The following GCSAML variants were observed in gnomAD, a reference collection of about 807,000 sequenced individuals.
The protein encoded by GCSAML is germinal center-associated signaling and motility-like protein.
In GCSAML, 9 loss-of-function variants were observed where a neutral mutation model predicts 13.0. That is an observed-to-expected ratio of 0.69 (90% CI 0.42 to 1.21). The LOEUF (loss-of-function observed/expected upper bound fraction) is 1.21, where lower values mean the gene tolerates loss of function less well. Among genes scored for constraint, GCSAML ranks in the 50% most tolerant of loss-of-function variants. The pLI, the probability that GCSAML is intolerant of heterozygous loss-of-function variation, is 0.00. For synonymous variants in GCSAML, 37 were observed against 52.9 expected (o/e 0.70, Z 1.31); for missense variants, 143 against 153.4 (o/e 0.93, Z 0.36).
At chr1:247,543,957 A>C (rs1292640723) in intron 2 of GCSAML, among the ~76,000 whole-genome samples, 1 of 152,142 alleles carries the variant, frequency 6.6e-6, no homozygotes, top group Non-Finnish European at 1.5e-5. Flanking sequence ...CCCTGGTTTA[A>C]CTTCTAATTT....
intron 1 of GCSAML, among the ~76,000 whole-genome samples, chr1:247,511,924 C>A (rs763298099): frequency 9.2e-5 from 14 of 152,198 alleles, no homozygotes; most frequent in Non-Finnish European, 1.3e-4. Flanking sequence ...ACCTTTCTCT[C>A]TGACTGCCCT....
intron 4 of GCSAML, among the ~76,000 whole-genome samples, chr1:247,573,100 G>C (rs1178453278): frequency 6.6e-6 from 1 of 152,214 alleles, no homozygotes; most frequent in Non-Finnish European, 1.5e-5. Flanking sequence ...ATCTTAGCTT[G>C]CTGGGCTCCA....
intron 1 of GCSAML, among the ~76,000 whole-genome samples, chr1:247,512,083 TA>T (rs923468167): frequency 4.2e-4 from 64 of 152,168 alleles, no homozygotes; most frequent in African/African-American, 1.5e-3. Flanking sequence ...TTCTCCTGGA[TA>T]ATATTCTGAA....
chr1:247,535,054 G>GT (rs1667161649), intron 2 of GCSAML, among the ~76,000 whole-genome samples: 1 of 152,104 alleles, frequency 6.6e-6, no homozygotes. Flanking sequence ...GCTCATGCCT[G>GT]TATTCCTAGC....
chr1:247,546,095 C>T (rs1426018870), upstream of GCSAML, among the ~76,000 whole-genome samples: 2 of 152,006 alleles, frequency 1.3e-5, no homozygotes, highest in African/African-American at 2.4e-5. Flanking sequence ...ATTATATTCA[C>T]GTTCTTTTAT....
intron 1 of GCSAML, among the ~76,000 whole-genome samples, chr1:247,523,946 A>G (rs1159744811): frequency 6.6e-6 from 1 of 151,750 alleles, no homozygotes; most frequent in Non-Finnish European, 1.5e-5. Context: ...AGCTAGCGAA[A>G]TAAATTGTTT....
intron 2 of GCSAML, among the ~76,000 whole-genome samples, chr1:247,561,509 A>G (rs1013994626): frequency 2.6e-5 from 4 of 152,140 alleles, no homozygotes; most frequent in African/African-American, 4.8e-5. Flanking sequence ...CTAGCTAACT[A>G]TATTTTTGTA....
chr1:247,562,991 C>G (rs1438796438), intron 2 of GCSAML, among the ~76,000 whole-genome samples: 2 of 149,648 alleles, frequency 1.3e-5, no homozygotes, highest in Non-Finnish European at 3.0e-5. Flanking sequence ...AAGTGCATGC[C>G]ACCGTACCCA....
At chr1:247,533,986 TA>T (rs1667114088) in intron 2 of GCSAML, 1 of 151,880 alleles carries the variant, frequency 6.6e-6, no homozygotes, top group Admixed American at 6.5e-5. Flanking sequence ...TTGCTATACT[TA>T]CAGTGCTTTC....
chr1:247,540,682 G>A (rs999070871), intron 2 of GCSAML, among the ~76,000 whole-genome samples: 1 of 152,182 alleles, frequency 6.6e-6, no homozygotes, highest in Non-Finnish European at 1.5e-5. Flanking sequence ...GACCACTGTG[G>A]GGATGCAAGA....
intron 1 of GCSAML, among the ~76,000 whole-genome samples, chr1:247,552,260 A>G (rs902884229): frequency 1.3e-5 from 2 of 152,238 alleles, no homozygotes; most frequent in African/African-American, 4.8e-5. Flanking sequence ...CATCAGGAAC[A>G]ACCAAAATGA....
intron 2 of GCSAML, among the ~76,000 whole-genome samples, chr1:247,561,774 A>C (rs1668135897): frequency 6.6e-6 from 1 of 152,142 alleles, no homozygotes; most frequent in Non-Finnish European, 1.5e-5. Context: ...TCTGAATGAA[A>C]GTAGATCATT....
intron 4 of GCSAML, among the ~76,000 whole-genome samples, chr1:247,573,569 T>C (rs762081933): frequency 5.9e-5 from 9 of 152,168 alleles, no homozygotes; most frequent in Admixed American, 4.6e-4. Context: ...CAGTTGGAAA[T>C]GCAGAAATCA....
At chr1:247,541,949 A>G (rs61838224) in intron 2 of GCSAML, among the ~76,000 whole-genome samples, 46,183 of 150,980 alleles carry the variant, frequency 0.31, 7,196 homozygotes, top group Middle Eastern at 0.43. Context: ...GGCAGAGGTT[A>G]CAGTGAGCCG....
intron 2 of GCSAML, chr1:247,532,055 C>A: frequency 1.2e-6 from 2 of 1,613,868 alleles, no homozygotes; most frequent in African/African-American, 1.3e-5. Flanking sequence ...GTGGTCAGAC[C>A]CCCCAGCCAG....
intron 1 of GCSAML, among the ~76,000 whole-genome samples, chr1:247,553,724 C>T (rs564637506): frequency 5.9e-5 from 9 of 152,322 alleles, no homozygotes; most frequent in Non-Finnish European, 8.8e-5. Flanking sequence ...CCTCAGCCTC[C>T]CAAGGAGCTG....
At chr1:247,523,805 G>GT (rs571095431) in intron 1 of GCSAML, among the ~76,000 whole-genome samples, 223 of 152,014 alleles carry the variant, frequency 1.5e-3, no homozygotes, top group Non-Finnish European at 2.4e-3. Flanking sequence ...GCTATTAAAA[G>GT]TGTTACAAAT....
chr1:247,523,807 G>A (rs899606019), intron 1 of GCSAML, among the ~76,000 whole-genome samples: 1 of 151,906 alleles, frequency 6.6e-6, no homozygotes, highest in Non-Finnish European at 1.5e-5. Flanking sequence ...TATTAAAAGT[G>A]TTACAAATGT....
At chr1:247,567,118 T>C (rs1668408976) in intron 4 of GCSAML, among the ~76,000 whole-genome samples, 1 of 150,746 alleles carries the variant, frequency 6.6e-6, no homozygotes. Flanking sequence ...GGGCTTTTTT[T>C]TTTCTAGAAA....
Sources: gnomAD v4.1 joint callset for allele counts (sites outside exome capture counted in the v4.1 genomes callset) on GRCh38, gnomAD v4.1.1 for gene constraint, MANE v1.5 for transcripts, NCBI Gene and HGNC (gene_info 2026-07-23, HGNC 2026-07-21) for gene names.